Variants in SNX29 observed in about 807,000 individuals in gnomAD.
The protein encoded by SNX29 is sorting nexin 29.
In SNX29, 78 loss-of-function variants were observed where a neutral mutation model predicts 102.1. The observed-to-expected ratio is 0.76, with a 90% confidence interval of 0.64 to 0.92. SNX29 has a LOEUF of 0.92. Ranked by LOEUF, SNX29 falls within the 40% of genes least tolerant of loss-of-function variation. The pLI is 0.00. For synonymous variants in SNX29, 580 were observed against 414.5 expected (o/e 1.40, Z -4.85); for missense variants, 1,280 against 1,061.7 (o/e 1.21, Z -2.86).
At chr16:12,555,151 G>A (rs1285123444) in intron 20 of SNX29, among the ~76,000 whole-genome samples, 1 of 151,948 alleles carries the variant, frequency 6.6e-6, no homozygotes, top group African/African-American at 2.4e-5. Context: ...TGGTCCAGGA[G>A]TGACAGGGTC....
chr16:11,999,227 G>C (rs2056198969), intron 1 of SNX29, 70 bp from the exon 2 acceptor site: 5 of 1,393,726 alleles, frequency 3.6e-6, no homozygotes, highest in Non-Finnish European at 5.1e-6. Context: ...CAGTAGGAAA[G>C]GACTGATCTA....
chr16:12,066,096 T>A (rs981393856), intron 9 of SNX29, among the ~76,000 whole-genome samples: 1 of 152,182 alleles, frequency 6.6e-6, no homozygotes, highest in Non-Finnish European at 1.5e-5. Context: ...GTATCCTCAC[T>A]GAGCGCTCTC....
intron 20 of SNX29, among the ~76,000 whole-genome samples, chr16:12,563,590 C>G (rs4781259): frequency 0.59 from 89,288 of 150,642 alleles, 26,659 homozygotes; most frequent in Middle Eastern, 0.73. Context: ...GCTTAGGCCT[C>G]CATGTCTGTA....
rs2055992069 is a variant in SNX29 at position 12,165,756 on chromosome 16, G to C, written c.1596-33845G>C. On this transcript the variant is annotated intron_variant, in intron 13 of 20. Coordinates refer to ENST00000566228, the MANE Select transcript of SNX29 (RefSeq NM_032167.5). ...TTTTTGTGTGTTCAGTGGAGACGGT[G>C]TTTTGCCATGTTGTCCAGGTTGGTC... Among the ~76,000 whole-genome samples the C allele has an allele frequency of 2.0e-5, 3 of 152,236 alleles. No homozygotes were observed. In the South Asian group the frequency reaches 6.2e-4, roughly 31 times the overall value.
chr16:12,431,927 G>T (rs2085333799), intron 18 of SNX29, among the ~76,000 whole-genome samples: 1 of 152,206 alleles, frequency 6.6e-6, no homozygotes, highest in African/African-American at 2.4e-5. Context: ...AAGACTTACG[G>T]GGAACCTTCT....
intron 10 of SNX29, among the ~76,000 whole-genome samples, chr16:12,076,183 C>G (rs1421017207): frequency 6.6e-6 from 1 of 152,196 alleles, no homozygotes. Flanking sequence ...CTGTCTGGCA[C>G]TCCGTAGTGA....
chr16:12,332,077 A>G (rs981964504), intron 15 of SNX29, among the ~76,000 whole-genome samples: 5 of 152,056 alleles, frequency 3.3e-5, no homozygotes, highest in Admixed American at 3.3e-4. Context: ...TAATAATAAT[A>G]AAGAAATAAT....
At chr16:12,561,789 T>C (rs925147570) in intron 20 of SNX29, among the ~76,000 whole-genome samples, 2 of 152,122 alleles carry the variant, frequency 1.3e-5, no homozygotes, top group Non-Finnish European at 2.9e-5. Flanking sequence ...GGACCACGCG[T>C]GGCCTGGCAG....
At chr16:11,977,103 G>A (rs767629567) in intron 1 of SNX29, 47 of 360,582 alleles carry the variant, frequency 1.3e-4, no homozygotes, top group Non-Finnish European at 2.3e-4. Context: ...CGATCCCCTT[G>A]CCTAGTGTCC....
intron 20 of SNX29, among the ~76,000 whole-genome samples, chr16:12,558,132 G>C (rs556244910): frequency 6.6e-6 from 1 of 152,176 alleles, no homozygotes; most frequent in Admixed American, 6.5e-5. Flanking sequence ...GCAGCATTCA[G>C]GGATAATCCT....
chr16:12,564,199 G>A (rs1598091381), intron 20 of SNX29, among the ~76,000 whole-genome samples: 1 of 147,322 alleles, frequency 6.8e-6, no homozygotes, highest in Non-Finnish European at 1.5e-5. Flanking sequence ...ACCGTCCTGG[G>A]CACCATAGGG....
At chr16:12,535,607 G>C (rs1172908873) in intron 20 of SNX29, among the ~76,000 whole-genome samples, 1 of 147,050 alleles carries the variant, frequency 6.8e-6, no homozygotes, top group Non-Finnish European at 1.5e-5. Context: ...TCTACCCTTT[G>C]TCACTGTCAG....
chr16:12,258,086 C>A (rs1596654539), intron 14 of SNX29, among the ~76,000 whole-genome samples: 1 of 151,758 alleles, frequency 6.6e-6, no homozygotes. Context: ...GTGCAGTCTG[C>A]TCTTCACACA....
intron 13 of SNX29, among the ~76,000 whole-genome samples, chr16:12,155,732 G>A (rs1359614782): frequency 6.6e-6 from 1 of 152,176 alleles, no homozygotes; most frequent in Non-Finnish European, 1.5e-5. Flanking sequence ...GGAGGGCCCA[G>A]AACCTTCTGC....
At chr16:12,477,583 G>A (rs193068834) in intron 18 of SNX29, 136 bp from the exon 19 acceptor site, 2 of 1,002,448 alleles carry the variant, frequency 2.0e-6, no homozygotes, top group Non-Finnish European at 3.0e-6. Flanking sequence ...CTCTATGCCA[G>A]GAACTGGGCA....
intron 20 of SNX29, among the ~76,000 whole-genome samples, chr16:12,565,917 C>G (rs1018077103): frequency 2.8e-4 from 42 of 151,896 alleles, no homozygotes; most frequent in African/African-American, 1.0e-3. Flanking sequence ...CCGTGATCCA[C>G]CACAGCCATC....
intron 20 of SNX29, among the ~76,000 whole-genome samples, chr16:12,562,598 G>A (rs781320103): frequency 6.6e-6 from 1 of 152,176 alleles, no homozygotes; most frequent in Non-Finnish European, 1.5e-5. Flanking sequence ...CGGGGACAAA[G>A]GTCGCTGGCT....
chr16:12,187,326 A>G (rs1010483528), intron 13 of SNX29, among the ~76,000 whole-genome samples: 11 of 152,308 alleles, frequency 7.2e-5, no homozygotes, highest in African/African-American at 2.4e-4. Context: ...TTGGGAGGCC[A>G]AGGCGGGTAG....
intron 14 of SNX29, among the ~76,000 whole-genome samples, chr16:12,258,711 A>G (rs1349481656): frequency 6.6e-6 from 1 of 152,094 alleles, no homozygotes; most frequent in Non-Finnish European, 1.5e-5. Context: ...AGTGAATGGT[A>G]CTTCGCTGCC....
Sources: allele counts gnomAD v4.1 joint callset (sites outside exome capture counted in the v4.1 genomes callset), GRCh38; gene constraint gnomAD v4.1.1; transcripts MANE v1.5; gene names NCBI Gene and HGNC (gene_info 2026-07-23, HGNC 2026-07-21).